Variants in GALNS observed in about 807,000 individuals in gnomAD.
GALNS encodes the protein galactosamine (N-acetyl)-6-sulfatase.
Under a neutral mutation model 65.9 loss-of-function variants are expected in GALNS, and 65 were observed. The ratio of observed to expected loss-of-function variants is 0.99; its 90% CI spans 0.81 to 1.21. The LOEUF is 1.21. GALNS is among the 50% of genes most tolerant of loss of function. The probability of loss-of-function intolerance (pLI) is 0.00; values close to 1 mark genes in which losing one functional copy is unlikely to be tolerated. For missense variants in GALNS, 776 were observed against 700.7 expected (o/e 1.11, Z -1.21); for synonymous variants, 346 against 288.9 (o/e 1.20, Z -2.00).
intron 1 of GALNS, among the ~76,000 whole-genome samples, chr16:88,853,784 G>A (rs925838514): frequency 1.3e-5 from 2 of 152,162 alleles, no homozygotes; most frequent in Non-Finnish European, 2.9e-5. Flanking sequence ...TCAGTGAAAG[G>A]CCAGGGCAGG....
intron 8 of GALNS, among the ~76,000 whole-genome samples, chr16:88,834,954 G>A (rs559235394): frequency 2.6e-5 from 4 of 152,256 alleles, no homozygotes; most frequent in Admixed American, 2.0e-4. Context: ...TTCGGGAGGC[G>A]TCAGCCTCTT....
At chr16:88,833,077 CAA>C (rs869226834) in intron 8 of GALNS, among the ~76,000 whole-genome samples, 19,681 of 73,784 alleles carry the variant, frequency 0.27, 1,035 homozygotes, top group East Asian at 0.49. Flanking sequence ...GACTCCTTCT[CAA>C]AAAAAAAAAA....
intron 11 of GALNS, among the ~76,000 whole-genome samples, chr16:88,824,405 G>C (rs1028862855): frequency 4.6e-5 from 7 of 152,126 alleles, no homozygotes; most frequent in Non-Finnish European, 2.9e-5. Context: ...TGTAGCACCT[G>C]GGCCAAGCAG....
At chr16:88,826,478 C>A (rs1910933718) in intron 10 of GALNS, among the ~76,000 whole-genome samples, 3 of 152,118 alleles carry the variant, frequency 2.0e-5, no homozygotes, top group African/African-American at 7.2e-5. Flanking sequence ...TTCTTGAAAG[C>A]CAGGGCCTCG....
intron 1 of GALNS, among the ~76,000 whole-genome samples, chr16:88,848,373 G>A (rs1967349843): frequency 1.3e-5 from 2 of 152,172 alleles, no homozygotes; most frequent in South Asian, 4.1e-4. Context: ...GTTCACGCCT[G>A]TAATCCCAGC....
rs149053254 is a variant in GALNS at position 88,836,717 on chromosome 16, C to T, written c.567-450G>A. 4.6e-4 allele frequency among the ~76,000 whole-genome samples: 70 copies of T among 152,100 alleles called. No individual in the cohort carries two copies. The East Asian group carries it at 0.012, about 26-fold the overall frequency. ...CCACTCAGGGAACAACCAAGCTGGA[C>T]GCATCCCTCGCTCCCCCAGGGCACG... On this transcript the variant is annotated intron_variant, in intron 5 of 13. Coordinates refer to ENST00000268695, the MANE Select transcript of GALNS (RefSeq NM_000512.5).
chr16:88,840,145 A>C (rs187983325), intron 4 of GALNS, among the ~76,000 whole-genome samples: 2 of 152,256 alleles, frequency 1.3e-5, no homozygotes, highest in Admixed American at 6.5e-5. Context: ...GCTTCCTCTC[A>C]TCTGAAGAAT....
At chr16:88,828,583 C>T (rs546410835) in intron 9 of GALNS, among the ~76,000 whole-genome samples, 2 of 152,346 alleles carry the variant, frequency 1.3e-5, no homozygotes, top group East Asian at 3.9e-4. Flanking sequence ...CACTTTGTGG[C>T]CCACGGGAAA....
At chr16:88,842,460 A>G in intron 2 of GALNS, 1 of 583,774 alleles carries the variant, frequency 1.7e-6, no homozygotes, top group Non-Finnish European at 3.0e-6. Context: ...ACTCTGGGAA[A>G]CAGAACAGCA....
intron 11 of GALNS, 145 bp from the exon 12 acceptor site, chr16:88,822,855 G>T (rs1365648516): frequency 1.7e-5 from 22 of 1,264,860 alleles, no homozygotes; most frequent in East Asian, 2.8e-5. Context: ...TGGGGGCCGT[G>T]GGGGGGTCTC....
chr16:88,816,977 T>C, intron 13 of GALNS: 1 of 985,362 alleles, frequency 1.0e-6, no homozygotes. Context: ...CTGTGCTCGG[T>C]GGGCTCTGGG....
rs776802120 is a variant in GALNS at position 88,832,116 on chromosome 16, C to T, written c.899-15G>A. ...GTTGCTGCCACCTGGGAGAGAGGGG[C>T]CCTTGTCAGGCCACTGGGACCAGAT... On this transcript the variant is annotated splice_polypyrimidine_tract_variant and intron_variant, in intron 8 of 13. Transcript: ENST00000268695. 2.5e-6 allele frequency: 4 copies of T among 1,609,420 alleles called. No individual in the cohort carries two copies. Among genetic ancestry groups the T allele is most frequent in the Non-Finnish European group, 3.4e-6 (4 of 1,176,596 alleles).
chr16:88,840,079 G>A (rs1966896444), intron 4 of GALNS, among the ~76,000 whole-genome samples: 1 of 152,244 alleles, frequency 6.6e-6, no homozygotes, highest in Admixed American at 6.5e-5. Context: ...GGACTCTGCA[G>A]CTGCTGTGCC....
intron 4 of GALNS, 30 bp from the exon 5 acceptor site, chr16:88,837,795 G>A (rs926504437): frequency 2.5e-6 from 4 of 1,612,474 alleles, no homozygotes; most frequent in Non-Finnish European, 3.4e-6. Flanking sequence ...ACACTTCAGG[G>A]ACCCCACGTG....
chr16:88,832,752 G>C (rs1911640797), intron 8 of GALNS, among the ~76,000 whole-genome samples: 1 of 152,124 alleles, frequency 6.6e-6, no homozygotes, highest in Non-Finnish European at 1.5e-5. Flanking sequence ...CGGGTCCCCT[G>C]AATAAAAGGG....
Position 88,832,053 on chromosome 16 carries a change from C to T in GALNS, c.947G>A (p.Gly316Glu), listed in dbSNP as rs1057518404. The T allele has an allele frequency of 3.1e-6, 5 of 1,613,808 alleles. No individual in the cohort carries two copies. The highest frequency in any genetic ancestry group is 4.2e-6 in the Non-Finnish European group (5 of 1,179,932). ...TGCGAGGGCAGGCTCCCTCATCCCT[C>T]CTTCAAACGTGGTCTGCTTCCCACA... ...FLCGKQTTFE[G>E]GMREPALAWW... is the part of the protein sequence containing the mutation. Residue 316 changes from glycine to glutamate, a missense_variant, in exon 9 of 14, where the codon GGA becomes GAA. Coordinates refer to ENST00000268695, the MANE Select transcript of GALNS (RefSeq NM_000512.5).
intron 11 of GALNS, among the ~76,000 whole-genome samples, chr16:88,824,249 G>T (rs1311663022): frequency 6.6e-6 from 1 of 152,148 alleles, no homozygotes; most frequent in Non-Finnish European, 1.5e-5. Flanking sequence ...GGAGCAGGAG[G>T]CTTGAGGCGA....
intron 1 of GALNS, among the ~76,000 whole-genome samples, chr16:88,853,684 C>T (rs983019633): frequency 1.3e-5 from 2 of 152,206 alleles, no homozygotes; most frequent in Non-Finnish European, 2.9e-5. Context: ...GCCCCAGAAG[C>T]CCTGGAGAGC....
chr16:88,828,991 G>A (rs7199245), intron 9 of GALNS, among the ~76,000 whole-genome samples: 4 of 110,788 alleles, frequency 3.6e-5, no homozygotes, highest in Non-Finnish European at 7.3e-5. Flanking sequence ...GCGGGTCCCG[G>A]GTCTCACGCC....
Sources: gnomAD v4.1 joint callset for allele counts (sites outside exome capture counted in the v4.1 genomes callset) on GRCh38, gnomAD v4.1.1 for gene constraint, MANE v1.5 for transcripts, NCBI Gene and HGNC (gene_info 2026-07-23, HGNC 2026-07-21) for gene names.